The following NFX1 variants were observed in gnomAD, a reference collection of about 807,000 sequenced individuals.
The protein encoded by NFX1 is nuclear transcription factor, X-box binding 1.
NFX1 carries 69 observed loss-of-function variants against 137.2 expected under a neutral mutation model. The ratio of observed to expected loss-of-function variants is 0.50; its 90% CI spans 0.41 to 0.61. The LOEUF (loss-of-function observed/expected upper bound fraction) is 0.61, where lower values mean the gene tolerates loss of function less well. NFX1 is among the 20% of genes least tolerant of loss of function. The pLI, the probability that NFX1 is intolerant of heterozygous loss-of-function variation, is 0.00. For missense variants in NFX1, 1,167 were observed against 1,391.0 expected (o/e 0.84, Z 2.56); for synonymous variants, 495 against 474.1 (o/e 1.04, Z -0.57).
intron 2 of NFX1, among the ~76,000 whole-genome samples, chr9:33,299,680 G>A (rs1309509005): frequency 1.3e-5 from 2 of 152,130 alleles, no homozygotes; most frequent in Non-Finnish European, 2.9e-5. Context: ...GGTGACGCCT[G>A]TAACTTTCAC....
rs374711006 is a variant in NFX1, at chr9:33,366,753, A to G, written c.3164A>G (p.Asn1055Ser). 6.8e-5 allele frequency: 109 copies of G among 1,614,042 alleles called. No individual in the cohort carries two copies. Among genetic ancestry groups the G allele is most frequent in the Admixed American group, 2.7e-4 (16 of 59,988 alleles). Reference sequence around the variant, plus strand: ...AGCTATGACAGTGAACCGAAGCGCAATGTGGTGGTCACTGCCATCAGGTAG... The same window carrying G: ...AGCTATGACAGTGAACCGAAGCGCAGTGTGGTGGTCACTGCCATCAGGTAG... ...SVSYDSEPKR[N>S]VVVTAIRGKS... Residue 1055 changes from asparagine to serine, a missense_variant, in exon 22 of 24, where the codon AAT becomes AGT. Physicochemically the swap from Asn to Ser is conservative, Grantham distance 46. Around this residue, in one of 3 missense-constraint regions of NFX1, gnomAD observed 312 missense variants for 312.8 expected, o/e 1.00. Transcript: ENST00000379540.
chr9:33,314,524 A>G (rs936933540), intron 7 of NFX1, among the ~76,000 whole-genome samples: 1 of 151,922 alleles, frequency 6.6e-6, no homozygotes, highest in Admixed American at 6.6e-5. Flanking sequence ...TAAAAATACA[A>G]AAATTAACTG....
At chr9:33,369,874 A>G in intron 23 of NFX1, 32 bp from the exon 24 acceptor site, 3 of 1,538,860 alleles carry the variant, frequency 1.9e-6, no homozygotes, top group Non-Finnish European at 2.7e-6. Context: ...CCCAAAGAAG[A>G]AAAGACTGAT....
At chr9:33,346,809 T>A (rs1823436879) in intron 14 of NFX1, among the ~76,000 whole-genome samples, 1 of 152,198 alleles carries the variant, frequency 6.6e-6, no homozygotes, top group African/African-American at 2.4e-5. Flanking sequence ...CTGCTTCTGT[T>A]TTGGCATGTC....
At chr9:33,300,885 C>T (rs577966450) in intron 2 of NFX1, among the ~76,000 whole-genome samples, 1 of 152,356 alleles carries the variant, frequency 6.6e-6, no homozygotes, top group Admixed American at 6.5e-5. Context: ...CTCTTTCTAA[C>T]CTAAATCCAT....
chr9:33,318,923 G>A lies in NFX1; in HGVS notation c.1702G>A (p.Gly568Ser), dbSNP rs377619617. 1.5e-4 allele frequency: 250 copies of A among 1,614,100 alleles called. No individual in the cohort carries two copies. The highest frequency in any genetic ancestry group is 8.2e-4 in the East Asian group (37 of 44,900). Residue 568 changes from glycine to serine, a missense_variant, in exon 9 of 24, where the codon GGT becomes AGT. This residue lies in a region of NFX1 where 488 missense variants were observed against 691.5 expected (regional missense o/e 0.71). Coordinates refer to ENST00000379540, the MANE Select transcript of NFX1 (RefSeq NM_002504.6). The stretch of plus-strand genomic sequence containing the variant: ...TTTTCTTAACAGGGACTTGAAATGC[G>A]GTAACCATACATGTTCGCAAGTGTG... The part of the protein sequence containing the change: ...LKICGKDLKC[G>S]NHTCSQVCHP...
rs1007507703 is a variant in NFX1, at chr9:33,370,636, C to T, written c.*658C>T. The T allele has an allele frequency of 6.6e-6, 1 of 152,234 alleles. No homozygotes were observed. Among genetic ancestry groups the T allele is most frequent in the Non-Finnish European group, 1.5e-5 (1 of 68,080 alleles). 9.4% of individuals were successfully genotyped at this position (152,234 alleles called of 1,614,324 possible). ...CAGGCTGCTTTACAGAATTCTATTTCCTTAAGTCCCTGGCACTTCTCATAC... is the reference window on the plus strand; with the variant it reads ...CAGGCTGCTTTACAGAATTCTATTTTCTTAAGTCCCTGGCACTTCTCATAC... On this transcript the variant is annotated 3_prime_UTR_variant, in exon 24 of 24. Transcript: ENST00000379540.
intron 1 of NFX1, 87 bp downstream of exon 1, chr9:33,290,684 T>C (rs556558388): frequency 2.9e-6 from 4 of 1,367,778 alleles, no homozygotes; most frequent in Non-Finnish European, 4.0e-6. Flanking sequence ...CAGCCACTCA[T>C]ATCGCGAGAG....
chr9:33,312,539 C>T (rs1821998405), intron 6 of NFX1, among the ~76,000 whole-genome samples: 1 of 152,220 alleles, frequency 6.6e-6, no homozygotes, highest in Non-Finnish European at 1.5e-5. Flanking sequence ...AGTGCTTAAC[C>T]ATTACCCTAG....
At chr9:33,364,992 GGC>G (rs1426093699) in intron 21 of NFX1, 1 of 1,359,472 alleles carries the variant, frequency 7.4e-7, no homozygotes, top group Non-Finnish European at 9.5e-7. Flanking sequence ...ATCTACAGTC[GGC>G]TGGGCACAGT....
At chr9:33,339,655 C>G (rs1027400528) in intron 12 of NFX1, among the ~76,000 whole-genome samples, 1 of 152,208 alleles carries the variant, frequency 6.6e-6, no homozygotes, top group African/African-American at 2.4e-5. Context: ...AAAGTCTCAT[C>G]CAAGACAAGG....
Position 33,369,912 on chromosome 9 carries a change from T to C in NFX1, c.3297T>C (p.Pro1099=), listed in dbSNP as rs1159674464. The C allele has an allele frequency of 1.2e-6, 2 of 1,613,192 alleles. No homozygotes were observed. The highest frequency in any genetic ancestry group is 8.5e-7 in the Non-Finnish European group (1 of 1,179,188). ...TTCTTTGTTTGTTTTTCAGGAATCCTGGGAGCAGTAATTTACAGAAAATAA... is the reference window on the plus strand; with the variant it reads ...TTCTTTGTTTGTTTTTCAGGAATCCCGGGAGCAGTAATTTACAGAAAATAA... ...PHHRHQSDKN[P]GSSNLQKITK... Residue 1099 remains proline (P), a synonymous_variant, in exon 24 of 24, where the codon CCT becomes CCC. Transcript: ENST00000379540.
chr9:33,321,665 C>A (rs1335100523), intron 9 of NFX1, among the ~76,000 whole-genome samples: 1 of 152,098 alleles, frequency 6.6e-6, no homozygotes, highest in Non-Finnish European at 1.5e-5. Flanking sequence ...TGCTTGAGTC[C>A]AGGACTTTGA....
At chr9:33,363,691 A>G (rs948433743) in intron 19 of NFX1, among the ~76,000 whole-genome samples, 7 of 152,150 alleles carry the variant, frequency 4.6e-5, no homozygotes, top group Non-Finnish European at 1.0e-4. Context: ...TTATCTTTAA[A>G]CAAAGCCTCA....
chr9:33,306,497 A>G (rs949382018), intron 4 of NFX1, among the ~76,000 whole-genome samples: 3 of 152,192 alleles, frequency 2.0e-5, no homozygotes, highest in Non-Finnish European at 2.9e-5. Context: ...CTCAACATGA[A>G]TAAAATTTCT....
intron 9 of NFX1, among the ~76,000 whole-genome samples, chr9:33,320,337 C>T (rs1822339804): frequency 6.6e-6 from 1 of 152,178 alleles, no homozygotes; most frequent in Admixed American, 6.6e-5. Flanking sequence ...ATTTTTCTCT[C>T]ATTGACCCAG....
intron 19 of NFX1, among the ~76,000 whole-genome samples, chr9:33,357,074 G>C (rs547134631): frequency 2.6e-5 from 4 of 151,934 alleles, no homozygotes; most frequent in African/African-American, 9.7e-5. Flanking sequence ...CACTTTGGGA[G>C]GTTGAGGTGG....
At chr9:33,333,692 A>G (rs1822895486) in intron 11 of NFX1, among the ~76,000 whole-genome samples, 1 of 152,378 alleles carries the variant, frequency 6.6e-6, no homozygotes, top group Middle Eastern at 3.4e-3. Context: ...ACTGAGGAGC[A>G]CACTGGCTCC....
chr9:33,337,449 T>C (rs901297728), intron 11 of NFX1, among the ~76,000 whole-genome samples: 2 of 152,222 alleles, frequency 1.3e-5, no homozygotes, highest in South Asian at 4.1e-4. Flanking sequence ...CAGTCCCCCA[T>C]GGACTCCAAA....
Sources: allele counts gnomAD v4.1 joint callset (sites outside exome capture counted in the v4.1 genomes callset), GRCh38; gene constraint gnomAD v4.1.1; regional missense constraint gnomAD v4.1.1; transcripts MANE v1.5; gene names NCBI Gene and HGNC (gene_info 2026-07-23, HGNC 2026-07-21).